Variants in SEMA6D observed in about 807,000 individuals in gnomAD.
SEMA6D encodes semaphorin-6D.
In SEMA6D, 35 loss-of-function variants were observed where a neutral mutation model predicts 106.6. The ratio of observed to expected loss-of-function variants is 0.33; its 90% CI spans 0.25 to 0.44. SEMA6D has a LOEUF of 0.44. Ranked by LOEUF, SEMA6D falls within the 20% of genes least tolerant of loss-of-function variation. The probability of loss-of-function intolerance (pLI) is 1.00; values close to 1 mark genes in which losing one functional copy is unlikely to be tolerated. For missense variants in SEMA6D, 1,185 were observed against 1,345.9 expected, an observed-to-expected ratio of 0.88 and a Z score of 1.87; for synonymous variants, 499 against 487.7, an observed-to-expected ratio of 1.02 and a Z score of -0.31.
intron 3 of SEMA6D, among the ~76,000 whole-genome samples, chr15:47,480,835 C>T (rs2043134786): frequency 6.6e-6 from 1 of 152,156 alleles, no homozygotes; most frequent in Admixed American, 6.5e-5. Context: ...TCCTCCAACC[C>T]TGTTGTCTTT....
chr15:47,421,153 G>C (rs560158165), intron 2 of SEMA6D, among the ~76,000 whole-genome samples: 1 of 152,122 alleles, frequency 6.6e-6, no homozygotes, highest in East Asian at 1.9e-4. Flanking sequence ...TGTACCATTG[G>C]TTATTTCTTT....
Position 47,762,244 on chromosome 15 carries a change from G to A in SEMA6D, c.583G>A (p.Asp195Asn), listed in dbSNP as rs1250472279. ...SATVADFLAS[D>N]AVIYRSMGDG... ...CACAGTGGCTGACTTCTTGGCCAGC[G>A]ATGCCGTTATTTATCGAAGCATGGG... The change falls in exon 8 of 19, where the codon GAT (aspartate) becomes AAT (asparagine). Residue 195 changes from aspartate to asparagine, a missense_variant. Physicochemically the swap from Asp to Asn is conservative, Grantham distance 23. Coordinates refer to ENST00000536845, the MANE Select transcript of SEMA6D (RefSeq NM_001358351.3). 9 of 1,613,506 alleles carry A rather than the reference G, an allele frequency of 5.6e-6. No homozygotes were observed. The highest frequency in any genetic ancestry group is 4.0e-5 in the African/African-American group (3 of 74,874).
At chr15:47,599,211 G>GT (rs1201415322) in intron 3 of SEMA6D, among the ~76,000 whole-genome samples, 2 of 152,076 alleles carry the variant, frequency 1.3e-5, no homozygotes, top group Admixed American at 1.3e-4. Flanking sequence ...CTGGGAGTAT[G>GT]GCCAAATAAA....
intron 1 of SEMA6D, among the ~76,000 whole-genome samples, chr15:47,326,564 TAGTA>T (rs2143892953): frequency 6.6e-6 from 1 of 152,130 alleles, no homozygotes; most frequent in South Asian, 2.1e-4. Flanking sequence ...ACATTTTTGT[TAGTA>T]AGTGCTGAGT....
chr15:47,331,277 T>TTG (rs764728501), intron 1 of SEMA6D, among the ~76,000 whole-genome samples: 1 of 152,104 alleles, frequency 6.6e-6, no homozygotes, highest in African/African-American at 2.4e-5. Flanking sequence ...GATCATATAT[T>TTG]TGTGTGTGTG....
chr15:47,666,915 A>T (rs1672846531), intron 4 of SEMA6D, among the ~76,000 whole-genome samples: 1 of 152,174 alleles, frequency 6.6e-6, no homozygotes, highest in African/African-American at 2.4e-5. Flanking sequence ...CCCTGAGGCC[A>T]CCATGCTGGG....
At chr15:47,713,634 A>G (rs986590390), upstream of SEMA6D, among the ~76,000 whole-genome samples, 6 of 152,244 alleles carry the variant, frequency 3.9e-5, no homozygotes, top group African/African-American at 1.4e-4. Context: ...CAGAAGCTGC[A>G]GCAACCTTTG....
intron 12 of SEMA6D, 24 bp downstream of exon 12, chr15:47,764,817 C>A: frequency 6.2e-7 from 1 of 1,613,636 alleles, no homozygotes; most frequent in Non-Finnish European, 8.5e-7. Context: ...TGAAACACTC[C>A]TTCCTATTCA....
intron 1 of SEMA6D, among the ~76,000 whole-genome samples, chr15:47,202,708 A>G (rs536146374): frequency 7.2e-5 from 11 of 152,046 alleles, no homozygotes; most frequent in South Asian, 6.2e-4. Flanking sequence ...TTTTTAGTAA[A>G]CTCACTCCTG....
At chr15:47,544,946 T>G (rs908361566) in intron 3 of SEMA6D, among the ~76,000 whole-genome samples, 5 of 152,140 alleles carry the variant, frequency 3.3e-5, no homozygotes, top group Non-Finnish European at 1.5e-5. Flanking sequence ...TAGAGATAAC[T>G]ATATGAAAAT....
intron 1 of SEMA6D, among the ~76,000 whole-genome samples, chr15:47,266,365 G>C (rs549286462): frequency 1.3e-5 from 2 of 151,954 alleles, no homozygotes; most frequent in Non-Finnish European, 2.9e-5. Flanking sequence ...AAAATCTCTA[G>C]ATTTTGCCAA....
intron 1 of SEMA6D, among the ~76,000 whole-genome samples, chr15:47,185,001 G>T (rs1227901829): frequency 6.6e-6 from 1 of 152,124 alleles, no homozygotes; most frequent in East Asian, 1.9e-4. Context: ...GGGTTTAGAG[G>T]GGAAGGGGTG....
chr15:47,420,172 T>A (rs534138091), intron 2 of SEMA6D, among the ~76,000 whole-genome samples: 1 of 152,198 alleles, frequency 6.6e-6, no homozygotes, highest in Admixed American at 6.5e-5. Flanking sequence ...TTACACTGAA[T>A]GGGCTGGTTC....
At chr15:47,264,554 A>G (rs2034226318) in intron 1 of SEMA6D, among the ~76,000 whole-genome samples, 1 of 151,940 alleles carries the variant, frequency 6.6e-6, no homozygotes, top group Admixed American at 6.6e-5. Context: ...CTCTTCAACA[A>G]TTGTCATTGT....
chr15:47,339,955 CAG>C (rs527538320), intron 1 of SEMA6D, among the ~76,000 whole-genome samples: 5 of 152,062 alleles, frequency 3.3e-5, no homozygotes, highest in Non-Finnish European at 7.4e-5. Context: ...ATAAGGGAGA[CAG>C]AGAGTGTGGG....
At chr15:47,320,101 G>C (rs2143617868) in intron 1 of SEMA6D, among the ~76,000 whole-genome samples, 1 of 152,252 alleles carries the variant, frequency 6.6e-6, no homozygotes, top group East Asian at 1.9e-4. Flanking sequence ...TGTTAGGACA[G>C]AGTGGTATCT....
At chr15:47,686,729 C>A (rs1476997854) in intron 4 of SEMA6D, among the ~76,000 whole-genome samples, 1 of 152,114 alleles carries the variant, frequency 6.6e-6, no homozygotes, top group Non-Finnish European at 1.5e-5. Context: ...CTTGAATGAA[C>A]ACGCAAAAGA....
intron 1 of SEMA6D, among the ~76,000 whole-genome samples, chr15:47,249,025 A>C (rs12441600): frequency 0.97 from 148,015 of 152,176 alleles, 72,114 homozygotes; most frequent in Middle Eastern, 1. Context: ...GTCAGGGGTT[A>C]AAGACCAACC....
chr15:47,510,312 G>T (rs2044184848), intron 3 of SEMA6D, among the ~76,000 whole-genome samples: 1 of 152,088 alleles, frequency 6.6e-6, no homozygotes, highest in Non-Finnish European at 1.5e-5. Context: ...ATCTGAGGTG[G>T]AATAGTTTCA....
Sources: allele counts gnomAD v4.1 joint callset (sites outside exome capture counted in the v4.1 genomes callset), GRCh38; gene constraint gnomAD v4.1.1; transcripts MANE v1.5; gene names NCBI Gene and HGNC (gene_info 2026-07-23, HGNC 2026-07-21).